Variants in OCA2 observed in about 807,000 individuals in gnomAD.
OCA2 encodes P protein.
OCA2 carries 77 observed loss-of-function variants against 100.2 expected under a neutral mutation model. The ratio of observed to expected loss-of-function variants is 0.77; its 90% confidence interval spans 0.64 to 0.93. OCA2 has a LOEUF of 0.93. OCA2 is among the 40% of genes least tolerant of loss of function. The pLI is 0.00. For missense variants in OCA2, 1,062 were observed against 1,089.1 expected, an observed-to-expected ratio of 0.98 and a Z score of 0.35; for synonymous variants, 432 against 439.2, an observed-to-expected ratio of 0.98 and a Z score of 0.21.
At chr15:27,994,217 G>A (rs997402985) in intron 9 of OCA2, among the ~76,000 whole-genome samples, 5 of 152,180 alleles carry the variant, frequency 3.3e-5, no homozygotes, top group South Asian at 4.1e-4. Context: ...TCATAGGAGC[G>A]TGAACCTTAC....
chr15:27,791,496 G>A (rs2033078351), intron 23 of OCA2, among the ~76,000 whole-genome samples: 2 of 152,246 alleles, frequency 1.3e-5, no homozygotes, highest in Admixed American at 6.5e-5. Flanking sequence ...GTGGTTGCTC[G>A]GGGGAAGGGT....
chr15:27,871,238 G>A lies in OCA2; in HGVS notation c.2160C>T (p.Arg720=), dbSNP rs201475699. 43 of 1,614,108 alleles carry A rather than the reference G, an allele frequency of 2.7e-5. No individual in the cohort carries two copies. The highest frequency in any genetic ancestry group is 2.2e-5 in the Non-Finnish European group (26 of 1,179,962). The change falls in exon 21 of 24, where the codon CGC becomes CGT. Residue 720 remains arginine (R), a synonymous_variant. Transcript: ENST00000354638. ...CCACCAGGACAATGGCGGCTATGAG[G>A]CGCTGCTCCTCTGGGACCATCTGGA... ...LLIKMVPEEQ[R]LIAAIVLVVW...
At chr15:27,817,829 G>A (rs998955068) in intron 23 of OCA2, among the ~76,000 whole-genome samples, 8 of 152,106 alleles carry the variant, frequency 5.3e-5, no homozygotes, top group Non-Finnish European at 1.5e-5. Context: ...CTTATAAGAA[G>A]GGCCCACGCT....
intron 23 of OCA2, among the ~76,000 whole-genome samples, chr15:27,788,527 T>C (rs547667524): frequency 1.3e-5 from 2 of 152,248 alleles, no homozygotes; most frequent in East Asian, 1.9e-4. Context: ...AGCTTTCTTA[T>C]GTTTGCACCA....
chr15:27,994,443 C>T (rs1220884551), intron 9 of OCA2, among the ~76,000 whole-genome samples: 1 of 152,170 alleles, frequency 6.6e-6, no homozygotes, highest in African/African-American at 2.4e-5. Context: ...TGCCCATGCT[C>T]TGGGAAATAT....
intron 23 of OCA2, among the ~76,000 whole-genome samples, chr15:27,770,112 G>T (rs961243998): frequency 6.6e-6 from 1 of 152,218 alleles, no homozygotes; most frequent in Non-Finnish European, 1.5e-5. Flanking sequence ...ACCAAGCATG[G>T]AAATACAATA....
At chr15:27,738,639 G>A in the OCA2 span, among the ~76,000 whole-genome samples, 9 of 151,832 alleles carry the variant, frequency 5.9e-5, no homozygotes, top group Non-Finnish European at 7.4e-5. Flanking sequence ...GGAGGCTGAG[G>A]CTGGAGAATG....
rs528727000 is a variant in OCA2 at position 28,095,657 on chromosome 15, C to T, written c.-22+3567G>A. On this transcript the variant is annotated intron_variant, in intron 1 of 23. Transcript: ENST00000354638. ...GCTTGAACCAGGGAGGTGGAGGTGA[C>T]GGTGAGCCGAGATGGCGCCATTGCA... Among the ~76,000 whole-genome samples, 5 of 149,296 alleles carry T rather than the reference C, an allele frequency of 3.3e-5. No individual in the cohort carries two copies. In the Admixed American group the frequency reaches 3.4e-4, roughly 10 times the overall value.
chr15:27,892,534 A>G (rs2037505660), intron 19 of OCA2, among the ~76,000 whole-genome samples: 2 of 119,198 alleles, frequency 1.7e-5, no homozygotes, highest in South Asian at 3.4e-4. Flanking sequence ...TGCAACACAT[A>G]GAAACATATA....
chr15:27,839,961 C>T (rs987338934), intron 23 of OCA2, among the ~76,000 whole-genome samples: 10 of 152,038 alleles, frequency 6.6e-5, no homozygotes, highest in African/African-American at 2.4e-4. Context: ...TTGAGAAGAA[C>T]TGTTATTAAA....
intron 23 of OCA2, among the ~76,000 whole-genome samples, chr15:27,820,961 AAGAG>A (rs768804680): frequency 5.9e-5 from 9 of 152,318 alleles, no homozygotes; most frequent in Non-Finnish European, 1.0e-4. Context: ...CGGGCAGCAC[AAGAG>A]AGAGATACAC....
At chr15:27,757,239 G>A (rs985509300) in intron 23 of OCA2, among the ~76,000 whole-genome samples, 7 of 152,234 alleles carry the variant, frequency 4.6e-5, no homozygotes, top group African/African-American at 1.7e-4. Flanking sequence ...GATTAAGAGT[G>A]TGTACTCCTA....
intron 2 of OCA2, among the ~76,000 whole-genome samples, chr15:28,070,300 G>C (rs1490961351): frequency 1.4e-5 from 2 of 144,262 alleles, no homozygotes; most frequent in African/African-American, 2.7e-5. Context: ...CACCCCGTCC[G>C]GGAGGGAGGT....
At chr15:27,985,325 T>C in intron 12 of OCA2, 137 bp from the exon 13 acceptor site, 1 of 1,022,042 alleles carries the variant, frequency 9.8e-7, no homozygotes, top group Non-Finnish European at 1.5e-6. Context: ...ACCCACGGAG[T>C]CCTAGGGGGG....
intron 14 of OCA2, among the ~76,000 whole-genome samples, chr15:27,968,953 T>C (rs1381185512): frequency 6.7e-6 from 1 of 149,350 alleles, no homozygotes; most frequent in Non-Finnish European, 1.5e-5. Flanking sequence ...TAGGGGCTTA[T>C]GAAACTGTTT....
chr15:27,757,568 A>ACACTAG (rs1328175149), intron 23 of OCA2, among the ~76,000 whole-genome samples: 2 of 152,248 alleles, frequency 1.3e-5, no homozygotes, highest in East Asian at 3.8e-4. Flanking sequence ...GTACCACAAT[A>ACACTAG]CACTAGCTTA....
chr15:27,880,422 T>A (rs2036966587), intron 19 of OCA2, among the ~76,000 whole-genome samples: 1 of 152,216 alleles, frequency 6.6e-6, no homozygotes, highest in Non-Finnish European at 1.5e-5. Context: ...GGAATAGCAT[T>A]GAATCTATAA....
chr15:28,067,959 G>A (rs1191287926), intron 2 of OCA2, among the ~76,000 whole-genome samples: 2 of 152,118 alleles, frequency 1.3e-5, no homozygotes, highest in Non-Finnish European at 2.9e-5. Context: ...TTATTGTGTG[G>A]TACTGTAAGT....
chr15:27,770,704 C>T (rs1221281594), intron 23 of OCA2, among the ~76,000 whole-genome samples: 1 of 151,712 alleles, frequency 6.6e-6, no homozygotes, highest in East Asian at 1.9e-4. Flanking sequence ...CACCAGGGAG[C>T]TCTTTCCCGC....
Sources: allele counts gnomAD v4.1 joint callset (sites outside exome capture counted in the v4.1 genomes callset), GRCh38; gene constraint gnomAD v4.1.1; transcripts MANE v1.5; gene names NCBI Gene and HGNC (gene_info 2026-07-23, HGNC 2026-07-21).